Variants in ARHGAP45 observed in about 807,000 individuals in gnomAD.
The protein encoded by ARHGAP45 is Rho GTPase activating protein 45.
Under a neutral mutation model 116.1 loss-of-function variants are expected in ARHGAP45, and 56 were observed. The ratio of observed to expected loss-of-function variants is 0.48; its 90% confidence interval spans 0.39 to 0.60. ARHGAP45 has a LOEUF of 0.60. Among genes scored for constraint, ARHGAP45 ranks in the 20% least tolerant of loss-of-function variants. The pLI, the probability that ARHGAP45 is intolerant of heterozygous loss-of-function variation, is 0.00. For missense variants in ARHGAP45, 1,622 were observed against 1,601.0 expected, an observed-to-expected ratio of 1.01 and a Z score of -0.22; for synonymous variants, 866 against 701.7, an observed-to-expected ratio of 1.23 and a Z score of -3.70.
rs1456857677 is a variant in ARHGAP45, at chr19:1,083,358, G to T, written c.2955+5G>T. ...GAGGAGACCCCCGGGGGCCAGGTGA[G>T]GGTGTGGGCCTGACCGGGGCTGGCC... On this transcript the variant is annotated splice_donor_5th_base_variant and intron_variant, in intron 21 of 22. Transcript: ENST00000313093. 1 of 1,542,988 alleles carries T rather than the reference G, an allele frequency of 6.5e-7. No homozygotes were observed. The highest frequency in any genetic ancestry group is 2.0e-5 in the Admixed American group (1 of 51,246).
rs774240729 is a variant in ARHGAP45, at chr19:1,083,138, C to T, written c.2745-5C>T. 2.3e-5 allele frequency: 37 copies of T among 1,603,604 alleles called. No homozygotes were observed. The South Asian group carries it at 4.0e-4, about 17-fold the overall frequency. On this transcript the variant is annotated splice_region_variant and splice_polypyrimidine_tract_variant and intron_variant, in intron 20 of 22. Transcript: ENST00000313093. ...CTCAGCACCTGGCCCCTGCCCACCC[C>T]GCAGGATCGTGGAGGTGGAGCAGGA...
Position 1,073,541 on chromosome 19 carries a change from C to T in ARHGAP45, c.601C>T (p.Gln201Ter), listed in dbSNP as rs575555041. 2 of 1,614,036 alleles carry T rather than the reference C, an allele frequency of 1.2e-6. No homozygotes were observed. ...HYESNNDLEK[Q>*]EFEKALETIA... ...TGAGAGCAACAATGATCTGGAGAAA[C>T]AGGAGTTCGAGAAGGCCCTGGAGAC... is the stretch of plus-strand genomic sequence containing the variant. The change falls in exon 4 of 23, where the codon CAG (glutamine) becomes TAG (stop). Residue 201 changes from glutamine (Q) to a stop codon, truncating the protein, a stop_gained. Transcript: ENST00000313093. LOFTEE classifies it high-confidence loss of function.
rs1349177850 is a variant in ARHGAP45 at position 1,071,879 on chromosome 19, G to C, written c.422-1270G>C. ...TTTGGGGCATCCTCTGAGCGGTACA[G>C]TCAGGCGTCAAAGCTGCCCCTCCCG... On this transcript the variant is annotated intron_variant, in intron 2 of 22. Transcript: ENST00000313093. The surrounding 1 kb of genome is among the most constrained non-coding windows in gnomAD (Gnocchi z 4.6). 6.6e-6 allele frequency: 1 copy of C among 152,240 alleles called. No individual in the cohort carries two copies. The highest frequency in any genetic ancestry group is 2.4e-5 in the African/African-American group (1 of 41,426). 9.4% of individuals were successfully genotyped at this position (152,240 alleles called of 1,614,324 possible).
At chr19:1,078,075 T>G (rs1599762280) in intron 11 of ARHGAP45, 30 bp downstream of exon 11, 1 of 1,533,690 alleles carries the variant, frequency 6.5e-7, no homozygotes, top group Non-Finnish European at 8.8e-7. Context: ...GGGCTGGAGG[T>G]CCCTGGAGGA....
Position 1,079,938 on chromosome 19 carries a change from CCTA to C in ARHGAP45, c.1528_1530del (p.Tyr510del). The C allele has an allele frequency of 6.2e-7, 1 of 1,610,960 alleles. No homozygotes were observed. The highest frequency in any genetic ancestry group is 8.5e-7 in the Non-Finnish European group (1 of 1,178,426). ...CGGTGCCGCCCGCAGGCCACGATCT[CCTA>C]CTACCAGATGATGCATATGCAGACG... On this transcript the variant is annotated inframe_deletion, in exon 13 of 23. Coordinates refer to ENST00000313093, the MANE Select transcript of ARHGAP45 (RefSeq NM_012292.5).
chr19:1,068,279 G>T lies in ARHGAP45; in HGVS notation c.91-135G>T. The T allele has an allele frequency of 1.4e-6, 1 of 707,114 alleles. No homozygotes were observed. Among genetic ancestry groups the T allele is most frequent in the South Asian group, 2.0e-5 (1 of 50,870 alleles). 43.8% of individuals were successfully genotyped at this position (707,114 alleles called of 1,614,324 possible). ...GGGTACACTACCAAATCTCGGCCCT[G>T]TGACCTCTGGCCTTTGACCCCTGTG... On this transcript the variant is annotated intron_variant, in intron 1 of 22. Coordinates refer to ENST00000313093, the MANE Select transcript of ARHGAP45 (RefSeq NM_012292.5). This position sits in a 1 kb window ranked among gnomAD's most constrained non-coding sequence, Gnocchi z 7.5.
At chr19:1,075,027 G>T in intron 10 of ARHGAP45, 148 bp downstream of exon 10, 1 of 440,434 alleles carries the variant, frequency 2.3e-6, no homozygotes, top group Non-Finnish European at 3.3e-6. Context: ...AGGCTGGGCC[G>T]CCCCCCCCAA....
chr19:1,078,555 C>G (rs1200519032), intron 11 of ARHGAP45, among the ~76,000 whole-genome samples: 1 of 150,972 alleles, frequency 6.6e-6, no homozygotes, highest in Non-Finnish European at 1.5e-5. Context: ...CCTCAGCCAC[C>G]CTGCCACCAA....
chr19:1,067,615 T>G, intron 1 of ARHGAP45, 120 bp downstream of exon 1: 2 of 986,246 alleles, frequency 2.0e-6, no homozygotes, highest in Non-Finnish European at 3.1e-6. Flanking sequence ...CTACAGCCCC[T>G]ACCGGGCGGG....
chr19:1,084,214 A>G, intron 21 of ARHGAP45, 24 bp from the exon 22 acceptor site: 3 of 1,606,228 alleles, frequency 1.9e-6, no homozygotes, highest in South Asian at 2.2e-5. Context: ...CGGCCCCTCT[A>G]TGACTTCCGT....
Position 1,073,309 on chromosome 19 carries a change from A to G in ARHGAP45, c.565+17A>G. The G allele has an allele frequency of 6.2e-7, 1 of 1,610,626 alleles. No individual in the cohort carries two copies. The highest frequency in any genetic ancestry group is 8.5e-7 in the Non-Finnish European group (1 of 1,178,858). ...AGGTCAAAGGTCAGCCTGCTGGAAC[A>G]GGGCTGCGAGGGCTCTCTGCCTAGA... is the stretch of plus-strand genomic sequence containing the variant. On this transcript the variant is annotated intron_variant, in intron 3 of 22. Transcript: ENST00000313093.
rs769720722 is a variant in ARHGAP45, at chr19:1,084,298, G to A, written c.3016G>A (p.Glu1006Lys). Residue 1006 changes from glutamate to lysine, a missense_variant, in exon 22 of 23, where the codon GAG (glutamate) becomes AAG (lysine). By Grantham distance (56) the Glu-to-Lys change is moderately conservative (BLOSUM62 1). Around this residue, in one of 3 missense-constraint regions of ARHGAP45, gnomAD observed 1,334 missense variants for 1,263.8 expected, o/e 1.06. Coordinates refer to ENST00000313093, the MANE Select transcript of ARHGAP45 (RefSeq NM_012292.5). ...CCAGGTGCCGTACCTGGAGGCGGGC[G>A]AGGCGGTGGTCTACCCGCTGCAGGA... is the stretch of plus-strand genomic sequence containing the variant. ...VVQVPYLEAG[E>K]AVVYPLQEAA... 1.9e-5 allele frequency: 30 copies of A among 1,612,680 alleles called. No homozygotes were observed. Among genetic ancestry groups the A allele is most frequent in the Admixed American group, 5.0e-5 (3 of 59,838 alleles).
In ARHGAP45 at chr19:1,082,882, G is replaced by T; in HGVS notation, c.2560G>T (p.Val854Leu). Residue 854 changes from valine (V) to leucine (L), a missense_variant, in exon 20 of 23, where the codon GTA (valine) becomes TTA (leucine). Physicochemically the swap from Val to Leu is conservative, Grantham distance 32 (BLOSUM62 1). Around this residue, in one of 3 missense-constraint regions of ARHGAP45, gnomAD observed 1,334 missense variants for 1,263.8 expected, o/e 1.06. Transcript: ENST00000313093. ...LISFRLYHEL[V>L]GLAKDSLKAE... ...CTCCTTCCGCCTCTACCACGAGCTC[G>T]TAGGGCTGGCCAAGGACAGCCTGAA... The T allele has an allele frequency of 1.3e-6, 2 of 1,582,372 alleles. No individual in the cohort carries two copies. Among genetic ancestry groups the T allele is most frequent in the Admixed American group, 1.8e-5 (1 of 55,358 alleles).
intron 22 of ARHGAP45, among the ~76,000 whole-genome samples, chr19:1,085,056 C>T (rs938878957): frequency 7.9e-5 from 12 of 152,046 alleles, no homozygotes; most frequent in South Asian, 2.1e-4. Flanking sequence ...CACTCCAGCC[C>T]GGGCAAGAGA....
chr19:1,071,469 G>A lies in ARHGAP45; in HGVS notation c.422-1680G>A. 4.7e-6 allele frequency: 4 copies of A among 859,884 alleles called. No individual in the cohort carries two copies. Among genetic ancestry groups the A allele is most frequent in the Non-Finnish European group, 5.7e-6 (4 of 703,078 alleles). The allele number at this position is 859,884 out of a possible 1,614,324, so 53.3% of individuals were successfully genotyped here. ...CAGCGGCTGCCGCGCGCCTGGCCTG[G>A]CCGTGCGCACCTGGGCATCCCTGCG... On this transcript the variant is annotated intron_variant, in intron 2 of 22. Transcript: ENST00000313093. This position sits in a 1 kb window ranked among gnomAD's most constrained non-coding sequence, Gnocchi z 4.6.
chr19:1,068,514 G>A lies in ARHGAP45; in HGVS notation c.191G>A (p.Arg64Gln), dbSNP rs941119174. Residue 64 changes from arginine (R) to glutamine (Q), a missense_variant, in exon 2 of 23, where the codon CGG becomes CAG. Physicochemically the swap from Arg to Gln is conservative, Grantham distance 43. This residue lies in a region of ARHGAP45 where 279 missense variants were observed against 311.9 expected (regional missense o/e 0.89). Transcript: ENST00000313093. The surrounding 1 kb of genome is among the most constrained non-coding windows in gnomAD (Gnocchi z 7.5). ...SGVKATGTLK[R>Q]PTSLSRHASA... is the part of the protein sequence containing the mutation. Reference sequence around the variant, plus strand: ...GTCAAGGCCACAGGGACCCTCAAGCGGCCCACCAGCCTGAGCCGCCACGCC... The same window carrying A: ...GTCAAGGCCACAGGGACCCTCAAGCAGCCCACCAGCCTGAGCCGCCACGCC... 1.4e-5 allele frequency: 23 copies of A among 1,601,116 alleles called. No individual in the cohort carries two copies. Among genetic ancestry groups the A allele is most frequent in the East Asian group, 2.3e-5 (1 of 44,224 alleles).
At chr19:1,078,693 G>A (rs1163716329) in intron 11 of ARHGAP45, among the ~76,000 whole-genome samples, 1 of 151,328 alleles carries the variant, frequency 6.6e-6, no homozygotes, top group Admixed American at 6.6e-5. Context: ...ACAGGCATGA[G>A]CCACCGCGCC....
In ARHGAP45 at chr19:1,086,181, G is replaced by A. The variant is rs1013243024; in HGVS notation, c.*175G>A. 28 of 615,148 alleles carry A rather than the reference G, an allele frequency of 4.6e-5. No individual in the cohort carries two copies. Among genetic ancestry groups the A allele is most frequent in the Admixed American group, 1.5e-4 (5 of 34,138 alleles). The allele number at this position is 615,148 out of a possible 1,614,324, so 38.1% of individuals were successfully genotyped here. A position where few individuals can be genotyped will look rare whatever the true frequency, so the allele number is the denominator to read the frequency against. On this transcript the variant is annotated 3_prime_UTR_variant, in exon 23 of 23. Coordinates refer to ENST00000313093, the MANE Select transcript of ARHGAP45 (RefSeq NM_012292.5). ...TCCTCCCAGAGGCTTCCAGGAGCACGAGGGCCTTGCGGCACAGGACTGTGC... is the reference window on the plus strand; with the variant it reads ...TCCTCCCAGAGGCTTCCAGGAGCACAAGGGCCTTGCGGCACAGGACTGTGC...
Position 1,073,528 on chromosome 19 carries a change from T to C in ARHGAP45, c.588T>C (p.Asn196=), listed in dbSNP as rs570280637. 1.2e-5 allele frequency: 19 copies of C among 1,613,796 alleles called. No homozygotes were observed. The East Asian group carries it at 2.9e-4, about 25-fold the overall frequency. The part of the protein sequence containing the change: ...KVKAFHYESN[N]DLEKQEFEKA... ...CAGCCTTCCATTATGAGAGCAACAA[T>C]GATCTGGAGAAACAGGAGTTCGAGA... The change falls in exon 4 of 23, where the codon AAT becomes AAC. Residue 196 remains asparagine (N), a synonymous_variant. Transcript: ENST00000313093.
Sources: allele counts gnomAD v4.1 joint callset (sites outside exome capture counted in the v4.1 genomes callset), GRCh38; gene constraint gnomAD v4.1.1; regional missense constraint gnomAD v4.1.1; non-coding constraint Gnocchi (gnomAD v3.1); transcripts MANE v1.5; gene names NCBI Gene and HGNC (gene_info 2026-07-23, HGNC 2026-07-21).